ZNF652: variants seen among roughly 807,000 people sequenced by gnomAD.
ZNF652 encodes the protein zinc finger protein 652.
In ZNF652, 16 loss-of-function variants were observed where a neutral mutation model predicts 45.2. The observed-to-expected ratio is 0.35, with a 90% CI of 0.24 to 0.54. ZNF652 has a LOEUF of 0.54. ZNF652 is among the 20% of genes least tolerant of loss of function. ZNF652 has a pLI of 0.91. For missense variants in ZNF652, 614 were observed against 765.6 expected (o/e 0.80, Z 2.34); for synonymous variants, 250 against 260.6 (o/e 0.96, Z 0.39).
chr17:49,324,466 C>T (rs1206111950), intron 1 of ZNF652, among the ~76,000 whole-genome samples: 1 of 152,148 alleles, frequency 6.6e-6, no homozygotes, highest in Non-Finnish European at 1.5e-5. Context: ...TCTCAGCTCA[C>T]TGCAACCTCC....
At chr17:49,327,116 C>T (rs566978098) in intron 1 of ZNF652, among the ~76,000 whole-genome samples, 1 of 152,248 alleles carries the variant, frequency 6.6e-6, no homozygotes, top group East Asian at 1.9e-4. Flanking sequence ...TTATAATTTG[C>T]ATTTATATGA....
intron 1 of ZNF652, among the ~76,000 whole-genome samples, chr17:49,352,543 ATG>A (rs1294026877): frequency 6.6e-6 from 1 of 152,202 alleles, no homozygotes; most frequent in Non-Finnish European, 1.5e-5. Context: ...TAGAATTTTT[ATG>A]TCTTTCCAGT....
intron 1 of ZNF652, among the ~76,000 whole-genome samples, chr17:49,336,404 A>T (rs2070082145): frequency 6.9e-6 from 1 of 145,634 alleles, no homozygotes; most frequent in Non-Finnish European, 1.5e-5. Context: ...ATCTCAGCTC[A>T]CTGCAACCGC....
chr17:49,344,258 G>A (rs1397247955), intron 1 of ZNF652, among the ~76,000 whole-genome samples: 1 of 151,556 alleles, frequency 6.6e-6, no homozygotes, highest in East Asian at 2.0e-4. Flanking sequence ...CTAGCTACTT[G>A]AGAAACTGAG....
chr17:49,306,639 T>G (rs1179930440), intron 5 of ZNF652, among the ~76,000 whole-genome samples: 1 of 152,216 alleles, frequency 6.6e-6, no homozygotes, highest in African/African-American at 2.4e-5. Flanking sequence ...GGGCATTTCA[T>G]AATACATGAC....
Position 49,317,185 on chromosome 17 carries a change from T to A in ZNF652, c.541A>T (p.Ile181Leu). The A allele has an allele frequency of 6.2e-7, 1 of 1,613,756 alleles. No individual in the cohort carries two copies. The highest frequency in any genetic ancestry group is 8.5e-7 in the Non-Finnish European group (1 of 1,180,006). The change falls in exon 2 of 6, where the codon ATA becomes TTA. Residue 181 changes from isoleucine to leucine, a missense_variant. Transcript: ENST00000430262. ...ENEKQKKKEKIVEKVSVTQRR... is the reference protein window; with the variant it reads ...ENEKQKKKEKLVEKVSVTQRR... ...TGTGTAACGCTGACTTTCTCTACTA[T>A]CTTCTCCTTTTTCTTCTGCTTTTCA... is the stretch of plus-strand genomic sequence containing the variant.
Position 49,295,143 on chromosome 17 carries a change from T to C in ZNF652, c.*3270A>G, listed in dbSNP as rs1021329413. 1 of 150,986 alleles carries C rather than the reference T, an allele frequency of 6.6e-6. No individual in the cohort carries two copies. 9.4% of individuals were successfully genotyped at this position (150,986 alleles called of 1,614,324 possible). A position where few individuals can be genotyped will look rare whatever the true frequency, so the allele number is the denominator to read the frequency against. ...TTTTTTGAGATGGAGTCTCGCTCTG[T>C]TGCCCAGGCTGGAGCGCAGTGGCGC... On this transcript the variant is annotated 3_prime_UTR_variant, in exon 6 of 6. Transcript: ENST00000430262.
At position 49,312,719 on chromosome 17, in the gene ZNF652, G is replaced by C; in HGVS notation, c.1027C>G (p.His343Asp). 1 of 1,613,746 alleles carries C rather than the reference G, an allele frequency of 6.2e-7. No homozygotes were observed. The highest frequency in any genetic ancestry group is 8.5e-7 in the Non-Finnish European group (1 of 1,179,942). Residue 343 changes from histidine (H) to aspartate (D), a missense_variant, in exon 3 of 6, where the codon CAT becomes GAT. Physicochemically the swap from His to Asp is moderately conservative, Grantham distance 81 (BLOSUM62 -1). Transcript: ENST00000430262. ...ICEKKFYTMAHVRKHMVAHTK... is the reference protein window; with the variant it reads ...ICEKKFYTMADVRKHMVAHTK... ...TTACCAACCATGTGTTTCCGCACAT[G>C]AGCCATGGTATAGAATTTCTTCTCA...
At chr17:49,312,905 C>A in intron 2 of ZNF652, 60 bp from the exon 3 acceptor site, 3 of 1,541,516 alleles carry the variant, frequency 1.9e-6, no homozygotes, top group Non-Finnish European at 2.6e-6. Context: ...TACCAGCCTA[C>A]TGGCAGACCA....
At chr17:49,304,055 A>ATTTTTTTTT (rs58790188) in intron 5 of ZNF652, among the ~76,000 whole-genome samples, 3 of 117,422 alleles carry the variant, frequency 2.6e-5, no homozygotes, top group Non-Finnish European at 3.4e-5. Context: ...TGCCTGGCTA[A>ATTTTTTTTT]TTTTTTTTTT....
In ZNF652 at chr17:49,297,049, G is replaced by A. The variant is rs1416516416; in HGVS notation, c.*1364C>T. 1 of 152,118 alleles carries A rather than the reference G, an allele frequency of 6.6e-6. No individual in the cohort carries two copies. Among genetic ancestry groups the A allele is most frequent in the Non-Finnish European group, 1.5e-5 (1 of 68,036 alleles). The allele number at this position is 152,118 out of a possible 1,614,324, so 9.4% of individuals were successfully genotyped here. A position where few individuals can be genotyped will look rare whatever the true frequency, so the allele number is the denominator to read the frequency against. ...GAGGACAGGGCAGTAAAACTTAGGA[G>A]TTTTCCCTCACTATATTTAAACTGT... On this transcript the variant is annotated 3_prime_UTR_variant, in exon 6 of 6. Transcript: ENST00000430262.
rs183851860 is a variant in ZNF652, at chr17:49,327,699, A to G, written c.-258-9716T>C. 3.8e-4 allele frequency among the ~76,000 whole-genome samples: 55 copies of G among 144,186 alleles called. 1 individual carries two copies. Among genetic ancestry groups the G allele is most frequent in the Admixed American group, 1.4e-3 (20 of 14,076 alleles). 94.6% of individuals were successfully genotyped at this position (144,186 alleles called of 152,430 possible). A position where few individuals can be genotyped will look rare whatever the true frequency, so the allele number is the denominator to read the frequency against. ...GTTCAAGAGTAACCTGAGCAACATA[A>G]TGAGACCTCGTGTCTACTTTTAAAT... On this transcript the variant is annotated intron_variant, in intron 1 of 5. Coordinates refer to ENST00000430262, the MANE Select transcript of ZNF652 (RefSeq NM_001145365.3).
At chr17:49,347,639 C>T (rs964566270) in intron 1 of ZNF652, among the ~76,000 whole-genome samples, 4 of 151,776 alleles carry the variant, frequency 2.6e-5, no homozygotes, top group African/African-American at 9.7e-5. Flanking sequence ...ATAACAATAC[C>T]CAAAAAGAGG....
rs902330307 is a variant in ZNF652 at position 49,291,636 on chromosome 17, G to A, written c.*6777C>T. 2.6e-5 allele frequency: 4 copies of A among 152,200 alleles called. No homozygotes were observed. Among genetic ancestry groups the A allele is most frequent in the Admixed American group, 2.0e-4 (3 of 15,280 alleles). 9.4% of individuals were successfully genotyped at this position (152,200 alleles called of 1,614,324 possible). ...ATACAAGACAGCAGGCTGTCTCAAG[G>A]ATGTGGTTCCTCCAAGTGACAAGCA... On this transcript the variant is annotated 3_prime_UTR_variant, in exon 6 of 6. Transcript: ENST00000430262.
chr17:49,306,439 T>C (rs563808233), intron 5 of ZNF652, among the ~76,000 whole-genome samples: 1 of 152,344 alleles, frequency 6.6e-6, no homozygotes, highest in East Asian at 1.9e-4. Context: ...AAATGAGTAT[T>C]TTCCCTCTGG....
chr17:49,288,123 T>C (rs1487549315), downstream of ZNF652, among the ~76,000 whole-genome samples: 1 of 151,842 alleles, frequency 6.6e-6, no homozygotes, highest in East Asian at 1.9e-4. Flanking sequence ...CATATATTTT[T>C]CTTGAACCTT....
At chr17:49,358,357 A>C (rs1005494787) in intron 1 of ZNF652, among the ~76,000 whole-genome samples, 1 of 152,248 alleles carries the variant, frequency 6.6e-6, no homozygotes, top group African/African-American at 2.4e-5. Context: ...CCTGAGAAAA[A>C]TATCACACCT....
At chr17:49,336,889 G>A (rs2070088447) in intron 1 of ZNF652, among the ~76,000 whole-genome samples, 1 of 150,376 alleles carries the variant, frequency 6.6e-6, no homozygotes, top group South Asian at 2.1e-4. Context: ...CAAAATGCTG[G>A]GATTATAGGC....
At chr17:49,315,136 G>A (rs1251370897) in intron 2 of ZNF652, among the ~76,000 whole-genome samples, 1 of 150,960 alleles carries the variant, frequency 6.6e-6, no homozygotes, top group Non-Finnish European at 1.5e-5. Flanking sequence ...CCGCCTCCCA[G>A]GTTCAAGCGA....
Sources: gnomAD v4.1 joint callset for allele counts (sites outside exome capture counted in the v4.1 genomes callset) on GRCh38, gnomAD v4.1.1 for gene constraint, MANE v1.5 for transcripts, NCBI Gene and HGNC (gene_info 2026-07-23, HGNC 2026-07-21) for gene names.